The following LRRC4C variants were observed in gnomAD, a reference collection of about 807,000 sequenced individuals.
The protein encoded by LRRC4C is leucine rich repeat containing 4C, also known as leucine-rich repeat-containing protein 4C.
In LRRC4C, 5 loss-of-function variants were observed where a neutral mutation model predicts 33.6. The observed-to-expected ratio is 0.15, with a 90% CI of 0.08 to 0.31. The LOEUF is 0.31. Ranked by LOEUF, LRRC4C falls within the 10% of genes least tolerant of loss-of-function variation. The pLI, the probability that LRRC4C is intolerant of heterozygous loss-of-function variation, is 1.00. For synonymous variants in LRRC4C, 329 were observed against 302.0 expected, an observed-to-expected ratio of 1.09 and a Z score of -0.93; for missense variants, 560 against 796.7, an observed-to-expected ratio of 0.70 and a Z score of 3.58.
At chr11:40,368,562 G>C (rs1413674065) in intron 3 of LRRC4C, among the ~76,000 whole-genome samples, 1 of 152,158 alleles carries the variant, frequency 6.6e-6, no homozygotes, top group Non-Finnish European at 1.5e-5. Context: ...TCCAGTTCCT[G>C]ACTTCAGCTT....
intron 1 of LRRC4C, among the ~76,000 whole-genome samples, chr11:41,102,565 A>G (rs1445247867): frequency 6.6e-6 from 1 of 152,060 alleles, no homozygotes; most frequent in East Asian, 1.9e-4. Context: ...GTAAACCATG[A>G]GAAAGTAGAG....
chr11:40,564,125 G>A (rs1382491021), intron 3 of LRRC4C, among the ~76,000 whole-genome samples: 1 of 152,214 alleles, frequency 6.6e-6, no homozygotes, highest in Non-Finnish European at 1.5e-5. Flanking sequence ...CAGGATGTAT[G>A]ACTGAATTTG....
chr11:40,796,535 A>G (rs1159150576), intron 2 of LRRC4C, among the ~76,000 whole-genome samples: 1 of 152,176 alleles, frequency 6.6e-6, no homozygotes, highest in South Asian at 2.1e-4. Context: ...TCACTAGTGC[A>G]AAGGACCAGG....
At chr11:40,590,771 C>T (rs1282508472) in intron 3 of LRRC4C, among the ~76,000 whole-genome samples, 1 of 152,212 alleles carries the variant, frequency 6.6e-6, no homozygotes, top group Non-Finnish European at 1.5e-5. Flanking sequence ...CTGGGGGGTG[C>T]CTCCCAGTTA....
chr11:40,434,759 A>C (rs774570927), intron 3 of LRRC4C, among the ~76,000 whole-genome samples: 2 of 152,184 alleles, frequency 1.3e-5, no homozygotes, highest in Non-Finnish European at 2.9e-5. Flanking sequence ...TAAGCAAATC[A>C]TCTGAACAAT....
chr11:41,033,832 T>C (rs1444875238), intron 1 of LRRC4C, among the ~76,000 whole-genome samples: 1 of 152,230 alleles, frequency 6.6e-6, no homozygotes, highest in East Asian at 1.9e-4. Flanking sequence ...CTTTTGAAAT[T>C]AATTTGTCAA....
intron 1 of LRRC4C, among the ~76,000 whole-genome samples, chr11:41,135,306 A>C (rs1165555625): frequency 6.6e-6 from 1 of 152,172 alleles, no homozygotes; most frequent in African/African-American, 2.4e-5. Flanking sequence ...CAAAACAATA[A>C]AAAACAGACG....
At chr11:40,876,259 G>T (rs1431104799) in intron 2 of LRRC4C, among the ~76,000 whole-genome samples, 3 of 24,960 alleles carry the variant, frequency 1.2e-4, no homozygotes, top group Admixed American at 5.5e-4. Context: ...TCTCAGTTAG[G>T]GTTTTTTTTT....
chr11:40,346,768 C>A (rs576503092), intron 3 of LRRC4C, among the ~76,000 whole-genome samples: 1 of 152,238 alleles, frequency 6.6e-6, no homozygotes, highest in East Asian at 1.9e-4. Context: ...TCTTGAGTGA[C>A]CGAGTACATT....
At chr11:40,625,556 C>T (rs772136780) in intron 3 of LRRC4C, among the ~76,000 whole-genome samples, 17 of 152,106 alleles carry the variant, frequency 1.1e-4, no homozygotes, top group African/African-American at 3.9e-4. Flanking sequence ...CCTCCTAGGA[C>T]ACATGGGGAT....
chr11:41,358,490 C>A (rs1301029114), intron 1 of LRRC4C, among the ~76,000 whole-genome samples: 1 of 151,998 alleles, frequency 6.6e-6, no homozygotes, highest in African/African-American at 2.4e-5. Context: ...AAAGTATTTG[C>A]AAAAGACACA....
At chr11:41,312,985 T>C (rs1035499504) in intron 1 of LRRC4C, among the ~76,000 whole-genome samples, 1 of 152,220 alleles carries the variant, frequency 6.6e-6, no homozygotes, top group Admixed American at 6.5e-5. Flanking sequence ...GGTCCTGGAC[T>C]AATACATGGT....
chr11:40,661,789 T>A lies in LRRC4C; in HGVS notation c.-406-13511A>T, dbSNP rs532098484. Among the ~76,000 whole-genome samples, 525 of 152,346 alleles carry A rather than the reference T, an allele frequency of 3.4e-3. 1 individual carries two copies. Among genetic ancestry groups the A allele is most frequent in the Non-Finnish European group, 5.3e-3 (360 of 68,024 alleles). ...CTGCTATATGCTCTATTGGGAAAGA[T>A]GCAGATGAAATAATCCTGTGAGCTT... On this transcript the variant is annotated intron_variant, in intron 2 of 6. Coordinates refer to ENST00000528697, the MANE Select transcript of LRRC4C (RefSeq NM_001258419.2).
chr11:41,186,925 T>C (rs551496342), intron 1 of LRRC4C, among the ~76,000 whole-genome samples: 6 of 152,338 alleles, frequency 3.9e-5, no homozygotes, highest in Admixed American at 2.6e-4. Context: ...TTCTAGAAAG[T>C]ATATACGTCT....
At position 41,448,140 on chromosome 11, in the gene LRRC4C, TTTG is replaced by T. The variant is rs1288983590; in HGVS notation, c.-496+11288_-496+11290del. On this transcript the variant is annotated intron_variant, in intron 1 of 6. Transcript: ENST00000528697. Reference sequence around the variant, plus strand: ...CACGTCTGTTTTTTTTTTTTTTTTTTTTGGAGCTTTACTTCATCAGTGTCCACA... The same window carrying T: ...CACGTCTGTTTTTTTTTTTTTTTTTTGAGCTTTACTTCATCAGTGTCCACA... Among the ~76,000 whole-genome samples the T allele has an allele frequency of 8.9e-5, 13 of 145,572 alleles. 1 individual carries two copies. The highest frequency in any genetic ancestry group is 1.5e-4 in the Non-Finnish European group (10 of 66,228).
chr11:41,335,171 A>T (rs1951413376), intron 1 of LRRC4C, among the ~76,000 whole-genome samples: 1 of 152,190 alleles, frequency 6.6e-6, no homozygotes, highest in African/African-American at 2.4e-5. Context: ...CTGATTCCAA[A>T]CATGTTTATT....
intron 1 of LRRC4C, among the ~76,000 whole-genome samples, chr11:41,030,563 A>G (rs1326463677): frequency 6.6e-6 from 1 of 151,842 alleles, no homozygotes; most frequent in Non-Finnish European, 1.5e-5. Context: ...TGACAATCAT[A>G]ACTCTTTTCT....
At chr11:41,440,261 A>G (rs770522135) in intron 1 of LRRC4C, among the ~76,000 whole-genome samples, 8 of 152,116 alleles carry the variant, frequency 5.3e-5, no homozygotes, top group Non-Finnish European at 1.0e-4. Context: ...ATTTTTGGAA[A>G]AAAGGAGTTT....
At chr11:40,914,022 C>A (rs1374828716) in intron 2 of LRRC4C, among the ~76,000 whole-genome samples, 1 of 152,042 alleles carries the variant, frequency 6.6e-6, no homozygotes, top group East Asian at 1.9e-4. Context: ...TCTGATTGAC[C>A]AAAAACAGGC....
Sources: gnomAD v4.1 joint callset for allele counts (sites outside exome capture counted in the v4.1 genomes callset) on GRCh38, gnomAD v4.1.1 for gene constraint, MANE v1.5 for transcripts, NCBI Gene and HGNC (gene_info 2026-07-23, HGNC 2026-07-21) for gene names.